Variants in NALCN observed in about 807,000 individuals in gnomAD.
NALCN encodes the protein sodium leak channel, non-selective.
In NALCN, 111 loss-of-function variants were observed where a neutral mutation model predicts 225.3. The observed-to-expected ratio is 0.49, with a 90% CI of 0.42 to 0.58. NALCN has a LOEUF of 0.58. Ranked by LOEUF, NALCN falls within the 20% of genes least tolerant of loss-of-function variation. The probability of loss-of-function intolerance (pLI) is 0.00; values close to 1 mark genes in which losing one functional copy is unlikely to be tolerated. For synonymous variants in NALCN, 764 were observed against 769.0 expected, an observed-to-expected ratio of 0.99 and a Z score of 0.11; for missense variants, 1,378 against 2,202.4, an observed-to-expected ratio of 0.63 and a Z score of 7.49.
chr13:101,267,151 C>T (rs1355898633), intron 10 of NALCN, among the ~76,000 whole-genome samples: 1 of 152,186 alleles, frequency 6.6e-6, no homozygotes, highest in African/African-American at 2.4e-5. Context: ...GAATCCTGGA[C>T]AGACCCTTTA....
intron 15 of NALCN, among the ~76,000 whole-genome samples, chr13:101,145,403 AAC>A (rs1295570127): frequency 1.3e-5 from 2 of 152,212 alleles, no homozygotes; most frequent in South Asian, 2.1e-4. Flanking sequence ...AAAAGCTCAA[AAC>A]ACAAATACCA....
Position 101,111,262 on chromosome 13 carries a change from G to C in NALCN, c.2193-36C>G, listed in dbSNP as rs375252355. On this transcript the variant is annotated intron_variant, in intron 18 of 43. Coordinates refer to ENST00000251127, the MANE Select transcript of NALCN (RefSeq NM_052867.4). ...AAAAGGAGCCCAAGATAAATGCATG[G>C]TTTGTACACTTGAGATGAATAACAC... 2.6e-5 allele frequency: 40 copies of C among 1,542,472 alleles called. No individual in the cohort carries two copies. In the East Asian group the frequency reaches 3.7e-4, roughly 14 times the overall value.
At chr13:101,119,407 C>T (rs2035865191) in intron 18 of NALCN, among the ~76,000 whole-genome samples, 1 of 151,990 alleles carries the variant, frequency 6.6e-6, no homozygotes, top group South Asian at 2.1e-4. Flanking sequence ...GTTATAAAAC[C>T]AAATGTCAGA....
At chr13:101,116,047 G>C (rs749541016) in intron 18 of NALCN, among the ~76,000 whole-genome samples, 3 of 152,136 alleles carry the variant, frequency 2.0e-5, no homozygotes, top group Non-Finnish European at 2.9e-5. Context: ...TTCCCTGGAG[G>C]AGAATTACAG....
intron 2 of NALCN, among the ~76,000 whole-genome samples, chr13:101,397,363 A>G (rs1399144597): frequency 6.6e-6 from 1 of 150,558 alleles, no homozygotes; most frequent in Non-Finnish European, 1.5e-5. Flanking sequence ...CATGTTCTAG[A>G]TAAGACATAA....
At chr13:101,194,998 T>C (rs2039831712) in intron 13 of NALCN, among the ~76,000 whole-genome samples, 1 of 152,134 alleles carries the variant, frequency 6.6e-6, no homozygotes. Flanking sequence ...AGCGAGATCC[T>C]GTCTCAAAAG....
intron 6 of NALCN, among the ~76,000 whole-genome samples, chr13:101,362,043 G>A (rs2046265507): frequency 6.6e-6 from 1 of 151,638 alleles, no homozygotes; most frequent in African/African-American, 2.4e-5. Flanking sequence ...GCTGGTTTCT[G>A]GCACCTCAGG....
At chr13:101,102,839 T>C (rs922528564) in intron 26 of NALCN, among the ~76,000 whole-genome samples, 40 of 152,210 alleles carry the variant, frequency 2.6e-4, no homozygotes, top group Non-Finnish European at 5.6e-4. Context: ...TACACAGTGT[T>C]GAATCTTCTT....
chr13:101,080,661 CTA>C (rs201491787), intron 34 of NALCN, among the ~76,000 whole-genome samples: 2 of 144,296 alleles, frequency 1.4e-5, no homozygotes, highest in African/African-American at 2.5e-5. Flanking sequence ...TAATATATAA[CTA>C]TATAAATAAT....
At chr13:101,173,438 G>C (rs2038829522) in intron 15 of NALCN, among the ~76,000 whole-genome samples, 1 of 152,074 alleles carries the variant, frequency 6.6e-6, no homozygotes, top group African/African-American at 2.4e-5. Flanking sequence ...GACATTTGTT[G>C]GCTGTGTAAC....
rs547884572 is a variant in NALCN, at chr13:101,292,350, G to T, written c.816C>A (p.Thr272=). Residue 272 remains threonine, a synonymous_variant, in exon 8 of 44, where the codon ACC becomes ACA. Transcript: ENST00000251127. The surrounding 1 kb of genome is among the most constrained non-coding windows in gnomAD (Gnocchi z 4.3). The stretch of plus-strand genomic sequence containing the variant: ...CTTCCTGTGAGGCGGCCTCATAGAC[G>T]GTGAATATACTAGTTCCTGTCATGA... The part of the protein sequence containing the change: ...GFNEIGTSIF[T]VYEAASQEGW... The T allele has an allele frequency of 6.2e-7, 1 of 1,614,038 alleles. No individual in the cohort carries two copies. Among genetic ancestry groups the T allele is most frequent in the Admixed American group, 1.7e-5 (1 of 59,964 alleles).
At chr13:101,082,726 A>C in intron 33 of NALCN, 83 bp downstream of exon 33, 2 of 1,352,026 alleles carry the variant, frequency 1.5e-6, no homozygotes, top group Non-Finnish European at 2.1e-6. Flanking sequence ...CAGAGAGGAG[A>C]GTAAGTGGCA....
At chr13:101,304,278 A>T (rs1429108248) in intron 7 of NALCN, among the ~76,000 whole-genome samples, 2 of 151,668 alleles carry the variant, frequency 1.3e-5, no homozygotes, top group Non-Finnish European at 2.9e-5. Flanking sequence ...TTTTATTTTT[A>T]AATTTAAGTT....
intron 16 of NALCN, among the ~76,000 whole-genome samples, chr13:101,144,511 T>C (rs1566336419): frequency 6.6e-6 from 1 of 152,224 alleles, no homozygotes; most frequent in Non-Finnish European, 1.5e-5. Flanking sequence ...AGAGAAGCGA[T>C]GGGAAGCAGC....
intron 34 of NALCN, among the ~76,000 whole-genome samples, chr13:101,076,520 TATAACTGCA>T (rs1326789128): frequency 6.6e-6 from 1 of 152,236 alleles, no homozygotes; most frequent in Admixed American, 6.5e-5. Flanking sequence ...TCCCACCAGC[TATAACTGCA>T]ATAACAACCT....
chr13:101,298,020 AACCACT>A (rs2043819254), intron 7 of NALCN, among the ~76,000 whole-genome samples: 1 of 152,206 alleles, frequency 6.6e-6, no homozygotes, highest in Non-Finnish European at 1.5e-5. Flanking sequence ...CACGTTACTC[AACCACT>A]ATACATGGAT....
At chr13:101,272,178 G>T (rs185074797) in intron 10 of NALCN, among the ~76,000 whole-genome samples, 1 of 152,070 alleles carries the variant, frequency 6.6e-6, no homozygotes, top group Non-Finnish European at 1.5e-5. Flanking sequence ...GTGTGTGTGT[G>T]TACACATGCA....
intron 15 of NALCN, among the ~76,000 whole-genome samples, chr13:101,152,382 A>G (rs537648789): frequency 6.6e-6 from 1 of 152,232 alleles, no homozygotes; most frequent in Admixed American, 6.5e-5. Flanking sequence ...TTGGTTTGGG[A>G]GCTCAGCAGA....
chr13:101,414,290 T>C (rs1594802551), intron 1 of NALCN, among the ~76,000 whole-genome samples: 1 of 152,210 alleles, frequency 6.6e-6, no homozygotes, highest in Non-Finnish European at 1.5e-5. Flanking sequence ...TATTTGTCTT[T>C]CCTGAAGGAT....
Sources: gnomAD v4.1 joint callset for allele counts (sites outside exome capture counted in the v4.1 genomes callset) on GRCh38, gnomAD v4.1.1 for gene constraint, Gnocchi (gnomAD v3.1) non-coding constraint, MANE v1.5 for transcripts, NCBI Gene and HGNC (gene_info 2026-07-23, HGNC 2026-07-21) for gene names.